Variants in GLIS3 observed in about 807,000 individuals in gnomAD.
The protein encoded by GLIS3 is zinc finger protein GLIS3.
In GLIS3, 53 loss-of-function variants were observed where a neutral mutation model predicts 78.6. That is an observed-to-expected ratio of 0.67 (90% CI 0.54 to 0.85). The LOEUF (loss-of-function observed/expected upper bound fraction) is 0.85. Among genes scored for constraint, GLIS3 ranks in the 40% least tolerant of loss-of-function variants. The pLI is 0.00. For missense variants in GLIS3, 1,703 were observed against 1,231.1 expected, an observed-to-expected ratio of 1.38 and a Z score of -5.74; for synonymous variants, 684 against 509.9, an observed-to-expected ratio of 1.34 and a Z score of -4.60.
intron 7 of GLIS3, among the ~76,000 whole-genome samples, chr9:3,894,961 T>C (rs996654044): frequency 6.6e-6 from 1 of 152,210 alleles, no homozygotes; most frequent in Admixed American, 6.5e-5. Flanking sequence ...GCTTAGGTCA[T>C]TTGCTAAGGT....
At chr9:4,153,115 C>G (rs574760501) in intron 2 of GLIS3, among the ~76,000 whole-genome samples, 2 of 152,306 alleles carry the variant, frequency 1.3e-5, no homozygotes, top group South Asian at 2.1e-4. Context: ...TAAACTCTGT[C>G]TAGACATTGC....
chr9:4,165,260 G>C (rs1198195424), intron 2 of GLIS3, among the ~76,000 whole-genome samples: 3 of 152,126 alleles, frequency 2.0e-5, no homozygotes, highest in Non-Finnish European at 4.4e-5. Context: ...GGCCAACATG[G>C]TGAAACCCCA....
intron 1 of GLIS3, among the ~76,000 whole-genome samples, chr9:4,297,946 G>C (rs1328036328): frequency 7.1e-6 from 1 of 141,430 alleles, no homozygotes; most frequent in Non-Finnish European, 1.6e-5. Context: ...GCTAGGGGCG[G>C]GTCCGGAGGC....
At chr9:4,368,316 G>A in the GLIS3 span, among the ~76,000 whole-genome samples, 2 of 151,434 alleles carry the variant, frequency 1.3e-5, no homozygotes, top group Non-Finnish European at 2.9e-5. Context: ...AGAGCACTGG[G>A]TAGGGAGCGC....
intron 4 of GLIS3, among the ~76,000 whole-genome samples, chr9:4,102,623 CA>C (rs1830457714): frequency 6.6e-6 from 1 of 152,078 alleles, no homozygotes; most frequent in African/African-American, 2.4e-5. Flanking sequence ...AAACCCAGTC[CA>C]AATGTCCAAA....
intron 2 of GLIS3, among the ~76,000 whole-genome samples, chr9:4,263,936 C>T (rs1825755907): frequency 6.6e-6 from 1 of 152,144 alleles, no homozygotes; most frequent in Middle Eastern, 3.2e-3. Flanking sequence ...CTCACTCCCT[C>T]CTTTGGGTTG....
At chr9:4,254,487 CA>C (rs1563839009) in intron 2 of GLIS3, among the ~76,000 whole-genome samples, 2 of 152,124 alleles carry the variant, frequency 1.3e-5, no homozygotes. Context: ...TGGAAACAGA[CA>C]AAATGTGCCA....
rs941693411 is a variant in GLIS3, at chr9:3,828,048, T to C, written c.*224A>G. 1.5e-5 allele frequency: 9 copies of C among 581,908 alleles called. No individual in the cohort carries two copies. In the African/African-American group the frequency reaches 1.7e-4, roughly 11 times the overall value. The allele number at this position is 581,908 out of a possible 1,614,324, so 36.0% of individuals were successfully genotyped here. On this transcript the variant is annotated 3_prime_UTR_variant, in exon 11 of 11. Transcript: ENST00000381971. ...ATTCCCTTTGAAAAGACAGTCCTCC[T>C]GGTCACATAGTCCAGGAAAACCAGA...
intron 4 of GLIS3, among the ~76,000 whole-genome samples, chr9:4,100,889 G>C (rs1830321155): frequency 6.6e-6 from 1 of 152,132 alleles, no homozygotes; most frequent in African/African-American, 2.4e-5. Context: ...ACCCCTCCTG[G>C]AACCCTCTCG....
chr9:4,122,500 C>A (rs1319283154), intron 3 of GLIS3, among the ~76,000 whole-genome samples: 1 of 152,210 alleles, frequency 6.6e-6, no homozygotes, highest in Non-Finnish European at 1.5e-5. Flanking sequence ...CCAAGAATTT[C>A]TGATTTAGGA....
At chr9:4,373,367 G>C in the GLIS3 span, among the ~76,000 whole-genome samples, 1 of 152,254 alleles carries the variant, frequency 6.6e-6, no homozygotes, top group African/African-American at 2.4e-5. Flanking sequence ...ATTCACTGAA[G>C]AACTACTAAT....
intron 2 of GLIS3, among the ~76,000 whole-genome samples, chr9:4,195,976 C>A (rs1365503491): frequency 6.6e-6 from 1 of 151,026 alleles, no homozygotes; most frequent in Non-Finnish European, 1.5e-5. Flanking sequence ...GTGTCTAGGT[C>A]AAGGTTTGTA....
At chr9:4,079,663 A>C (rs551339846) in intron 4 of GLIS3, among the ~76,000 whole-genome samples, 1 of 152,270 alleles carries the variant, frequency 6.6e-6, no homozygotes, top group African/African-American at 2.4e-5. Context: ...ATGGAGCCAG[A>C]GAAACCTAGC....
chr9:4,054,433 G>A, intron 4 of GLIS3: 1 of 985,362 alleles, frequency 1.0e-6, no homozygotes, highest in Non-Finnish European at 1.2e-6. Flanking sequence ...CAAACACTTT[G>A]GCGAGAGTCA....
Position 4,245,401 on chromosome 9 carries a change from A to C in GLIS3, c.388+40637T>G, listed in dbSNP as rs1823713231. 2.6e-5 allele frequency among the ~76,000 whole-genome samples: 4 copies of C among 152,212 alleles called. No individual in the cohort carries two copies. The South Asian group carries it at 8.3e-4, about 32-fold the overall frequency. On this transcript the variant is annotated intron_variant, in intron 2 of 10. Coordinates refer to ENST00000381971, the MANE Select transcript of GLIS3 (RefSeq NM_001042413.2). ...CGAACTCATCACTTTGCCAAATTTC[A>C]ATTATAAGCAATTTTCAGGTTCTAC...
chr9:4,308,626 T>C (rs527407088), intron 4 of GLIS3, among the ~76,000 whole-genome samples: 11 of 152,202 alleles, frequency 7.2e-5, no homozygotes, highest in Middle Eastern at 3.4e-3. Context: ...CCAGGGAAAC[T>C]TGCCAGGCCC....
chr9:4,229,688 ATTAC>A (rs1822088339), intron 2 of GLIS3, among the ~76,000 whole-genome samples: 2 of 152,252 alleles, frequency 1.3e-5, no homozygotes, highest in South Asian at 2.1e-4. Flanking sequence ...TTATTACAAT[ATTAC>A]TTCTTATTCA....
At chr9:3,913,498 T>G (rs951985665) in intron 6 of GLIS3, among the ~76,000 whole-genome samples, 2 of 152,180 alleles carry the variant, frequency 1.3e-5, no homozygotes, top group African/African-American at 4.8e-5. Flanking sequence ...AGCCAAGACA[T>G]TCCTGTAATC....
intron 4 of GLIS3, chr9:4,070,768 C>G (rs919143108): frequency 1.4e-4 from 21 of 152,146 alleles, no homozygotes; most frequent in Non-Finnish European, 8.8e-5. Context: ...ATGCAATCAA[C>G]TAATCAATTA....
Sources: allele counts gnomAD v4.1 joint callset (sites outside exome capture counted in the v4.1 genomes callset), GRCh38; gene constraint gnomAD v4.1.1; transcripts MANE v1.5; gene names NCBI Gene and HGNC (gene_info 2026-07-23, HGNC 2026-07-21).